GRM8: variants seen among roughly 807,000 people sequenced by gnomAD.
The protein encoded by GRM8 is metabotropic glutamate receptor 8.
A neutral mutation model predicts 87.2 loss-of-function variants in GRM8; 47 were observed. The ratio of observed to expected loss-of-function variants is 0.54; its 90% CI spans 0.43 to 0.69. The LOEUF (loss-of-function observed/expected upper bound fraction) is 0.69. Among genes scored for constraint, GRM8 ranks in the 30% least tolerant of loss-of-function variants. The pLI is 0.00. For missense variants in GRM8, 1,019 were observed against 1,139.2 expected, an observed-to-expected ratio of 0.89 and a Z score of 1.52; for synonymous variants, 396 against 404.5, an observed-to-expected ratio of 0.98 and a Z score of 0.25.
At chr7:126,651,122 C>T (rs184167266) in intron 7 of GRM8, among the ~76,000 whole-genome samples, 191 of 152,240 alleles carry the variant, frequency 1.3e-3, no homozygotes, top group African/African-American at 4.5e-3. Flanking sequence ...CTGTCCTGCA[C>T]ACAATGCTTC....
rs536166425 is a variant in GRM8 at position 126,603,770 on chromosome 7, T to G, written c.1494+5592A>C. ...ATGTATGTGTTTGTGTATATATGTATCATAGGAAAGAGCATTTTCACATGT... is the reference window on the plus strand; with the variant it reads ...ATGTATGTGTTTGTGTATATATGTAGCATAGGAAAGAGCATTTTCACATGT... On this transcript the variant is annotated intron_variant, in intron 8 of 10. Transcript: ENST00000339582. 2.0e-4 allele frequency among the ~76,000 whole-genome samples: 31 copies of G among 152,152 alleles called. No homozygotes were observed. The South Asian group carries it at 6.0e-3, about 29-fold the overall frequency.
intron 2 of GRM8, among the ~76,000 whole-genome samples, chr7:127,108,489 T>C (rs567704880): frequency 5.3e-5 from 8 of 152,158 alleles, no homozygotes; most frequent in Non-Finnish European, 2.9e-5. Flanking sequence ...TAGCAAAATA[T>C]ATAGCCCTAC....
chr7:126,764,646 C>A (rs1817997585), intron 7 of GRM8, among the ~76,000 whole-genome samples: 1 of 152,040 alleles, frequency 6.6e-6, no homozygotes, highest in Non-Finnish European at 1.5e-5. Flanking sequence ...CTGGTCTCTA[C>A]AATCTAACAA....
intron 3 of GRM8, among the ~76,000 whole-genome samples, chr7:126,955,561 T>C (rs967987388): frequency 6.6e-6 from 1 of 152,170 alleles, no homozygotes; most frequent in Non-Finnish European, 1.5e-5. Context: ...ACATAAATGA[T>C]TTATTGTCTT....
intron 9 of GRM8, among the ~76,000 whole-genome samples, chr7:126,450,182 A>G (rs1563018779): frequency 6.6e-6 from 1 of 151,698 alleles, no homozygotes; most frequent in Non-Finnish European, 1.5e-5. Flanking sequence ...AGGAGGGAGG[A>G]GATTTTATTT....
chr7:126,693,762 T>C (rs7799820), intron 7 of GRM8, among the ~76,000 whole-genome samples: 7,959 of 152,236 alleles, frequency 0.052, 607 homozygotes, highest in African/African-American at 0.16. Context: ...AATCTTTTGC[T>C]GGGCATATAA....
At chr7:127,110,367 C>A (rs1826235930) in intron 2 of GRM8, among the ~76,000 whole-genome samples, 1 of 152,144 alleles carries the variant, frequency 6.6e-6, no homozygotes. Context: ...AGCCACCTGC[C>A]CTTCCAGCCT....
At position 127,142,597 on chromosome 7, in the gene GRM8, T is replaced by C. The variant is rs369763708; in HGVS notation, c.511-35885A>G. On this transcript the variant is annotated intron_variant, in intron 2 of 10. Transcript: ENST00000339582. ...TTGAGAATGCACTGTAAGCAAATAG[T>C]AAGCATAAGAATGTTTGATGAAATA... 3.3e-5 allele frequency among the ~76,000 whole-genome samples: 5 copies of C among 152,302 alleles called. No individual in the cohort carries two copies. The East Asian group carries it at 7.7e-4, about 24-fold the overall frequency.
intron 9 of GRM8, among the ~76,000 whole-genome samples, chr7:126,455,854 A>T (rs1318866486): frequency 2.0e-5 from 3 of 151,686 alleles, no homozygotes; most frequent in Admixed American, 2.0e-4. Flanking sequence ...AGATGAACTG[A>T]CAACCAAGAA....
intron 3 of GRM8, among the ~76,000 whole-genome samples, chr7:126,995,555 T>C (rs1173929606): frequency 6.6e-6 from 1 of 152,212 alleles, no homozygotes. Context: ...TAGTTGAAAA[T>C]GCAACTGATG....
At chr7:126,951,235 G>T (rs182084945) in intron 3 of GRM8, among the ~76,000 whole-genome samples, 1 of 152,016 alleles carries the variant, frequency 6.6e-6, no homozygotes, top group African/African-American at 2.4e-5. Flanking sequence ...TTTGTACAAA[G>T]AAAATATGGA....
chr7:126,749,533 T>C (rs1258864357), intron 7 of GRM8, among the ~76,000 whole-genome samples: 1 of 150,466 alleles, frequency 6.6e-6, no homozygotes, highest in African/African-American at 2.4e-5. Context: ...GTTAAATATA[T>C]AAACAAATAT....
At chr7:126,739,828 T>C (rs907985426) in intron 7 of GRM8, among the ~76,000 whole-genome samples, 1 of 152,114 alleles carries the variant, frequency 6.6e-6, no homozygotes, top group African/African-American at 2.4e-5. Context: ...TAGGTTTGGA[T>C]ACACAAATAC....
chr7:126,933,643 GCTAGGGTTCAAAT>G (rs1460150048), intron 3 of GRM8, among the ~76,000 whole-genome samples: 1 of 152,196 alleles, frequency 6.6e-6, no homozygotes, highest in Non-Finnish European at 1.5e-5. Flanking sequence ...GGAGAGAAAT[GCTAGGGTTCAAAT>G]CTTGGTTCCA....
intron 9 of GRM8, among the ~76,000 whole-genome samples, chr7:126,508,326 G>A (rs949847533): frequency 1.3e-5 from 2 of 151,048 alleles, no homozygotes; most frequent in Non-Finnish European, 3.0e-5. Context: ...CAAGATCAAA[G>A]AGCTGTTATC....
chr7:127,054,654 C>G (rs1013368319), intron 3 of GRM8, among the ~76,000 whole-genome samples: 2 of 152,124 alleles, frequency 1.3e-5, no homozygotes, highest in African/African-American at 2.4e-5. Context: ...GAACCTCAAC[C>G]TGGAAAAAGA....
intron 3 of GRM8, among the ~76,000 whole-genome samples, chr7:126,929,716 G>A (rs895553263): frequency 1.4e-5 from 2 of 140,126 alleles, no homozygotes; most frequent in Non-Finnish European, 1.5e-5. Flanking sequence ...TTACAGGCAT[G>A]AGCCACCATT....
chr7:126,475,458 T>A (rs1805788420), intron 9 of GRM8, among the ~76,000 whole-genome samples: 1 of 151,742 alleles, frequency 6.6e-6, no homozygotes. Flanking sequence ...GATGAAAAAA[T>A]TGAAGAAAGA....
chr7:126,718,347 AC>A (rs1811987190), intron 7 of GRM8, among the ~76,000 whole-genome samples: 1 of 152,180 alleles, frequency 6.6e-6, no homozygotes, highest in Non-Finnish European at 1.5e-5. Flanking sequence ...TACTTCAGTG[AC>A]CAAGAGTGTT....
Sources: gnomAD v4.1 joint callset for allele counts (sites outside exome capture counted in the v4.1 genomes callset) on GRCh38, gnomAD v4.1.1 for gene constraint, MANE v1.5 for transcripts, NCBI Gene and HGNC (gene_info 2026-07-23, HGNC 2026-07-21) for gene names.